Variants in ZNF223 observed in about 807,000 individuals in gnomAD.
ZNF223 encodes Homo sapiens zinc finger protein 223.
ZNF223 carries 9 observed loss-of-function variants against 12.3 expected under a neutral mutation model. The ratio of observed to expected loss-of-function variants is 0.73; its 90% CI spans 0.44 to 1.28. The LOEUF is 1.28. Ranked by LOEUF, ZNF223 falls within the 50% of genes most tolerant of loss-of-function variation. The pLI is 0.00. For synonymous variants in ZNF223, 171 were observed against 195.2 expected, an observed-to-expected ratio of 0.88 and a Z score of 1.03; for missense variants, 506 against 579.0, an observed-to-expected ratio of 0.87 and a Z score of 1.29.
chr19:44,056,028 A>G (rs7255192), intron 2 of ZNF223, among the ~76,000 whole-genome samples: 132,722 of 151,996 alleles, frequency 0.87, 58,511 homozygotes, highest in African/African-American at 0.96. Flanking sequence ...TGTTGTGTGG[A>G]TGTCTGGAGT....
rs1174892484 is a variant in ZNF223 at position 44,060,469 on chromosome 19, C to A, written c.30C>A (p.Phe10Leu). The change falls in exon 3 of 5, where the codon TTC (phenylalanine) becomes TTA (leucine). Residue 10 changes from phenylalanine to leucine, a missense_variant. Transcript: ENST00000434772. MTMSKEAVT[F>L]KDVAVVFTEE... ...TGATGCTGTAGGAGGCAGTGACCTT[C>A]AAGGATGTGGCAGTGGTCTTCACTG... The A allele has an allele frequency of 6.2e-7, 1 of 1,614,114 alleles. No individual in the cohort carries two copies. The highest frequency in any genetic ancestry group is 1.1e-5 in the South Asian group (1 of 91,080).
At position 44,060,635 on chromosome 19, in the gene ZNF223, A is replaced by G; in HGVS notation, c.142+54A>G. On this transcript the variant is annotated intron_variant, in intron 3 of 4. Transcript: ENST00000434772. ...TGTCAGGCCCCAGGAGTGGTTTTGT[A>G]TCCTAGGGTGTTCAAGTTTGAGTGT... is the stretch of plus-strand genomic sequence containing the variant. 4.3e-6 allele frequency: 7 copies of G among 1,613,440 alleles called. No homozygotes were observed. The South Asian group carries it at 7.7e-5, about 18-fold the overall frequency.
chr19:44,052,706 C>T (rs1021252634), intron 1 of ZNF223, among the ~76,000 whole-genome samples: 3 of 152,082 alleles, frequency 2.0e-5, no homozygotes, highest in African/African-American at 7.2e-5. Flanking sequence ...ATACCTGTAA[C>T]CAGAGACAGC....
intron 4 of ZNF223, among the ~76,000 whole-genome samples, chr19:44,061,872 T>C (rs1043976019): frequency 1.2e-4 from 19 of 152,220 alleles, no homozygotes; most frequent in Non-Finnish European, 2.4e-4. Flanking sequence ...TGAGTTTTAA[T>C]GTCATGGAAG....
chr19:44,062,799 C>G (rs1976858727), intron 4 of ZNF223, among the ~76,000 whole-genome samples: 1 of 152,224 alleles, frequency 6.6e-6, no homozygotes, highest in African/African-American at 2.4e-5. Flanking sequence ...CCATCTGCAG[C>G]CCATTTGCCT....
intron 2 of ZNF223, among the ~76,000 whole-genome samples, chr19:44,059,535 C>T (rs1347759060): frequency 1.3e-5 from 2 of 152,208 alleles, no homozygotes. Context: ...AGCCAGGTGA[C>T]ATGAGGTGAC....
intron 4 of ZNF223, among the ~76,000 whole-genome samples, chr19:44,064,038 G>A (rs1976874252): frequency 6.6e-6 from 1 of 152,132 alleles, no homozygotes; most frequent in Admixed American, 6.5e-5. Context: ...TGAACATTTT[G>A]TGAGCATGAA....
At chr19:44,057,786 A>T (rs906163157) in intron 2 of ZNF223, among the ~76,000 whole-genome samples, 1 of 152,230 alleles carries the variant, frequency 6.6e-6, no homozygotes, top group African/African-American at 2.4e-5. Flanking sequence ...CACACTGCAT[A>T]ACTGTCTCAG....
At chr19:44,058,498 A>G (rs1260691344) in intron 2 of ZNF223, among the ~76,000 whole-genome samples, 1 of 152,230 alleles carries the variant, frequency 6.6e-6, no homozygotes, top group Non-Finnish European at 1.5e-5. Flanking sequence ...AGTTATCAAA[A>G]TAAGAAGCTG....
intron 1 of ZNF223, among the ~76,000 whole-genome samples, 175 bp downstream of exon 1, chr19:44,052,370 C>A (rs575184357): frequency 2.0e-5 from 3 of 152,148 alleles, no homozygotes; most frequent in Non-Finnish European, 4.4e-5. Flanking sequence ...TGTGTACACT[C>A]TTTCTCGCAG....
chr19:44,056,481 G>A (rs112835491), intron 2 of ZNF223, among the ~76,000 whole-genome samples: 3,032 of 133,678 alleles, frequency 0.023, 121 homozygotes, highest in African/African-American at 0.081. Flanking sequence ...GCAGTGAGCC[G>A]AGATCGCGCC....
rs1213470834 is a variant in ZNF223 at position 44,067,220 on chromosome 19, C to T, written c.1392C>T (p.Arg464=). 6.2e-7 allele frequency: 1 copy of T among 1,607,928 alleles called. No homozygotes were observed. Among genetic ancestry groups the T allele is most frequent in the African/African-American group, 1.3e-5 (1 of 74,322 alleles). Reference sequence around the variant, plus strand: ...CCAAATGTGAAGACTGTGGGAAGCGCTACAAGAGGCGCTTGAATCTTGATA... The same window carrying T: ...CCAAATGTGAAGACTGTGGGAAGCGTTACAAGAGGCGCTTGAATCTTGATA... ...NPSKCEDCGK[R]YKRRLNLDII... is the part of the protein sequence containing the mutation. Residue 464 remains arginine, a synonymous_variant, in exon 5 of 5, where the codon CGC becomes CGT. Coordinates refer to ENST00000434772, the MANE Select transcript of ZNF223 (RefSeq NM_013361.6).
intron 2 of ZNF223, among the ~76,000 whole-genome samples, chr19:44,060,096 G>T (rs1976816572): frequency 6.6e-6 from 1 of 152,204 alleles, no homozygotes; most frequent in African/African-American, 2.4e-5. Context: ...AGGTCGGGCA[G>T]ATACTGACTG....
upstream of ZNF223, chr19:44,052,025 TC>T (rs1275367658): frequency 6.6e-6 from 1 of 152,166 alleles, no homozygotes; most frequent in Non-Finnish European, 1.5e-5. Context: ...AGAGGACACT[TC>T]CGGTCTCCTA....
intron 4 of ZNF223, among the ~76,000 whole-genome samples, chr19:44,064,335 T>C (rs1227571286): frequency 1.3e-5 from 2 of 152,224 alleles, no homozygotes; most frequent in African/African-American, 2.4e-5. Context: ...ATTGATTGTC[T>C]GATGAAGAGC....
In ZNF223 at chr19:44,066,787, A is replaced by G. The variant is rs1443203352; in HGVS notation, c.959A>G (p.Glu320Gly). ...HTGKKPNSTG[E>G]YGKGFIRRLD... ...GGAAAGAAACCAAACAGCACTGGGG[A>G]ATATGGAAAAGGCTTCATTCGTAGG... The change falls in exon 5 of 5, where the codon GAA becomes GGA. Residue 320 changes from glutamate to glycine, a missense_variant. Coordinates refer to ENST00000434772, the MANE Select transcript of ZNF223 (RefSeq NM_013361.6). 6.2e-7 allele frequency: 1 copy of G among 1,614,200 alleles called. No individual in the cohort carries two copies. The highest frequency in any genetic ancestry group is 2.2e-5 in the East Asian group (1 of 44,880).
At chr19:44,056,771 T>G (rs948934615) in intron 2 of ZNF223, among the ~76,000 whole-genome samples, 4 of 151,334 alleles carry the variant, frequency 2.6e-5, no homozygotes, top group African/African-American at 9.7e-5. Flanking sequence ...AATTTTTTTG[T>G]GTGTTTTTAG....
intron 1 of ZNF223, 59 bp downstream of exon 1, chr19:44,052,254 G>A (rs538683311): frequency 1.3e-5 from 2 of 152,364 alleles, no homozygotes; most frequent in African/African-American, 4.8e-5. Context: ...GGCGTCGGGG[G>A]GCTTTGCTCG....
Position 44,066,927 on chromosome 19 carries a change from A to G in ZNF223, c.1099A>G (p.Thr367Ala), listed in dbSNP as rs939498141. ...SYLLIHQRVHTGEKPYKCDKC... is the reference protein window; with the variant it reads ...SYLLIHQRVHAGEKPYKCDKC... ...TCTTTTGATCCATCAGCGAGTCCAC[A>G]CTGGAGAAAAGCCATACAAATGTGA... Residue 367 changes from threonine to alanine, a missense_variant, in exon 5 of 5, where the codon ACT becomes GCT. By Grantham distance (58) the Thr-to-Ala change is moderately conservative. Transcript: ENST00000434772. 6.2e-7 allele frequency: 1 copy of G among 1,614,100 alleles called. No individual in the cohort carries two copies. Among genetic ancestry groups the G allele is most frequent in the Admixed American group, 1.7e-5 (1 of 60,006 alleles).
Sources: gnomAD v4.1 joint callset for allele counts (sites outside exome capture counted in the v4.1 genomes callset) on GRCh38, gnomAD v4.1.1 for gene constraint, MANE v1.5 for transcripts, NCBI Gene and HGNC (gene_info 2026-07-23, HGNC 2026-07-21) for gene names.